The following LEKR1 variants were observed in gnomAD, a reference collection of about 807,000 sequenced individuals.
LEKR1 encodes leucine, glutamate and lysine rich 1.
A neutral mutation model predicts 72.4 loss-of-function variants in LEKR1; 59 were observed. The ratio of observed to expected loss-of-function variants is 0.82; its 90% CI spans 0.66 to 1.01. The LOEUF (loss-of-function observed/expected upper bound fraction) is 1.01, where lower values mean the gene tolerates loss of function less well. Ranked by LOEUF, LEKR1 falls within the 50% of genes least tolerant of loss-of-function variation. The pLI is 0.00. For missense variants in LEKR1, 728 were observed against 759.2 expected, an observed-to-expected ratio of 0.96 and a Z score of 0.48; for synonymous variants, 257 against 263.2, an observed-to-expected ratio of 0.98 and a Z score of 0.23.
At chr3:156,867,150 T>C (rs901208281) in intron 3 of LEKR1, among the ~76,000 whole-genome samples, 2 of 152,092 alleles carry the variant, frequency 1.3e-5, no homozygotes, top group South Asian at 4.1e-4. Context: ...CAAATGGCCT[T>C]GCCAATGATG....
intron 6 of LEKR1, among the ~76,000 whole-genome samples, chr3:156,950,877 C>T (rs965843695): frequency 2.4e-4 from 36 of 151,288 alleles, no homozygotes; most frequent in African/African-American, 8.7e-4. Context: ...TGCCTGATTG[C>T]TCTGGCTTAG....
intron 4 of LEKR1, among the ~76,000 whole-genome samples, chr3:156,921,587 C>T (rs1335422564): frequency 6.6e-6 from 1 of 152,162 alleles, no homozygotes; most frequent in Non-Finnish European, 1.5e-5. Flanking sequence ...CAGAAATCCC[C>T]TTGATCCTTT....
At chr3:156,896,164 A>C (rs562351389) in intron 3 of LEKR1, among the ~76,000 whole-genome samples, 4 of 152,260 alleles carry the variant, frequency 2.6e-5, no homozygotes, top group Admixed American at 1.3e-4. Context: ...CAATGAGAAC[A>C]CATGGGGGGA....
At chr3:156,840,711 A>T (rs1227033047) in intron 2 of LEKR1, among the ~76,000 whole-genome samples, 1 of 152,226 alleles carries the variant, frequency 6.6e-6, no homozygotes, top group Non-Finnish European at 1.5e-5. Context: ...TGTAAACTGT[A>T]ACCCAGCAGG....
At chr3:156,938,538 G>A (rs141080650) in intron 5 of LEKR1, among the ~76,000 whole-genome samples, 349 of 151,974 alleles carry the variant, frequency 2.3e-3, no homozygotes, top group South Asian at 5.0e-3. Context: ...CACCACCCTC[G>A]GCTAATTTTT....
intron 6 of LEKR1, among the ~76,000 whole-genome samples, chr3:156,969,748 G>A (rs1728986935): frequency 1.3e-5 from 2 of 152,190 alleles, no homozygotes; most frequent in South Asian, 4.1e-4. Context: ...TAGCAAAAGA[G>A]GGAATCCTCC....
At chr3:156,999,243 C>CA (rs1285997806) in intron 9 of LEKR1, among the ~76,000 whole-genome samples, 1 of 152,132 alleles carries the variant, frequency 6.6e-6, no homozygotes, top group Admixed American at 6.5e-5. Flanking sequence ...TGAGAACAGA[C>CA]AGACAATACA....
chr3:156,914,031 C>T (rs1297338932), intron 3 of LEKR1, among the ~76,000 whole-genome samples: 1 of 152,036 alleles, frequency 6.6e-6, no homozygotes, highest in African/African-American at 2.4e-5. Context: ...TTTATCTTTA[C>T]TTACTTCACT....
rs139315630 is a variant in LEKR1, at chr3:156,947,584, G to T, written c.745+4870G>T. Among the ~76,000 whole-genome samples the T allele has an allele frequency of 2.0e-3, 299 of 151,114 alleles. 1 individual carries two copies. The highest frequency in any genetic ancestry group is 6.1e-4 in the Non-Finnish European group (41 of 67,312). ...CTTTACTGTGGCATTAAAGCAATATGCATTCAATAGAAACCAGAACCCCGT... is the reference window on the plus strand; with the variant it reads ...CTTTACTGTGGCATTAAAGCAATATTCATTCAATAGAAACCAGAACCCCGT... On this transcript the variant is annotated intron_variant, in intron 6 of 12. Transcript: ENST00000356539.
chr3:156,873,161 T>C (rs1718155551), intron 3 of LEKR1, among the ~76,000 whole-genome samples: 1 of 152,054 alleles, frequency 6.6e-6, no homozygotes, highest in South Asian at 2.1e-4. Context: ...CCTTTATCAT[T>C]ATATAATGAC....
At chr3:156,864,504 G>A (rs1717100048) in intron 3 of LEKR1, among the ~76,000 whole-genome samples, 1 of 151,906 alleles carries the variant, frequency 6.6e-6, no homozygotes, top group South Asian at 2.1e-4. Flanking sequence ...TTAAACTGAG[G>A]CATCTTCCAG....
rs1253641581 is a variant in LEKR1, at chr3:156,967,004, A to C, written c.746-12190A>C. Among the ~76,000 whole-genome samples the C allele has an allele frequency of 2.0e-5, 3 of 152,208 alleles. No homozygotes were observed. The East Asian group carries it at 5.8e-4, about 29-fold the overall frequency. On this transcript the variant is annotated intron_variant, in intron 6 of 12. Transcript: ENST00000356539. ...CTGTTCTGCAGCCTCCGCTGCTGAT[A>C]CCCAGGCAAACAGGGTCTGGAGTGG...
chr3:156,899,787 CATAT>C (rs71141736), intron 3 of LEKR1, among the ~76,000 whole-genome samples: 11 of 136,896 alleles, frequency 8.0e-5, no homozygotes, highest in Admixed American at 3.7e-4. Flanking sequence ...CATATATACA[CATAT>C]ATACATGTAT....
chr3:156,922,951 G>A (rs1724348018), intron 4 of LEKR1, among the ~76,000 whole-genome samples: 3 of 152,040 alleles, frequency 2.0e-5, no homozygotes, highest in South Asian at 4.2e-4. Flanking sequence ...TATTTGTAAA[G>A]CTAGACCTTA....
At chr3:156,923,667 T>G (rs1029013179) in intron 4 of LEKR1, among the ~76,000 whole-genome samples, 11 of 152,196 alleles carry the variant, frequency 7.2e-5, no homozygotes, top group Non-Finnish European at 1.2e-4. Context: ...GACATATGTT[T>G]TCAATTCTTT....
chr3:157,003,314 C>T (rs2108016803), intron 9 of LEKR1, among the ~76,000 whole-genome samples: 1 of 152,282 alleles, frequency 6.6e-6, no homozygotes, highest in South Asian at 2.1e-4. Context: ...CATATTATTG[C>T]TGAAGCTGTA....
intron 12 of LEKR1, among the ~76,000 whole-genome samples, chr3:157,044,920 A>T (rs1735642052): frequency 6.6e-6 from 1 of 152,238 alleles, no homozygotes; most frequent in Non-Finnish European, 1.5e-5. Flanking sequence ...ACAAAAGAAT[A>T]TATTTAATGA....
At chr3:157,015,738 T>C (rs895544390) in intron 10 of LEKR1, among the ~76,000 whole-genome samples, 2 of 151,718 alleles carry the variant, frequency 1.3e-5, no homozygotes, top group Non-Finnish European at 2.9e-5. Context: ...AATCAATAAA[T>C]AAAAACTGAC....
rs752366663 is a variant in LEKR1 at position 156,888,385 on chromosome 3, G to A, written c.264-32190G>A. The A allele has an allele frequency of 4.3e-6, 3 of 702,176 alleles. No homozygotes were observed. The South Asian group carries it at 4.4e-5, about 10-fold the overall frequency. 43.5% of individuals were successfully genotyped at this position (702,176 alleles called of 1,614,324 possible). A position where few individuals can be genotyped will look rare whatever the true frequency, so the allele number is the denominator to read the frequency against. ...GCCAGATCTACAACATTCTGTCACT[G>A]AGCCATACATAGGTCTGTGATTTGT... is the stretch of plus-strand genomic sequence containing the variant. On this transcript the variant is annotated intron_variant, in intron 3 of 12. Transcript: ENST00000356539.
Sources: allele counts gnomAD v4.1 joint callset (sites outside exome capture counted in the v4.1 genomes callset), GRCh38; gene constraint gnomAD v4.1.1; transcripts MANE v1.5; gene names NCBI Gene and HGNC (gene_info 2026-07-23, HGNC 2026-07-21).